Variants in HDAC9 observed in about 807,000 individuals in gnomAD.
HDAC9 encodes the protein MEF-2 interacting transcription repressor (MITR) protein.
In HDAC9, 41 loss-of-function variants were observed where a neutral mutation model predicts 139.4. The observed-to-expected ratio is 0.29, with a 90% confidence interval of 0.23 to 0.38. The LOEUF (loss-of-function observed/expected upper bound fraction) is 0.38, where lower values mean the gene tolerates loss of function less well. Among genes scored for constraint, HDAC9 ranks in the 10% least tolerant of loss-of-function variants. The pLI, the probability that HDAC9 is intolerant of heterozygous loss-of-function variation, is 1.00. For synonymous variants in HDAC9, 517 were observed against 476.2 expected (o/e 1.09, Z -1.12); for missense variants, 1,147 against 1,297.0 (o/e 0.88, Z 1.78).
chr7:18,173,854 T>A (rs1482543831), intron 2 of HDAC9, among the ~76,000 whole-genome samples: 1 of 152,224 alleles, frequency 6.6e-6, no homozygotes, highest in African/African-American at 2.4e-5. Context: ...TGATCTGACC[T>A]TTCTTTCTGG....
chr7:18,823,992 A>G (rs1443154249), intron 17 of HDAC9, among the ~76,000 whole-genome samples: 1 of 147,102 alleles, frequency 6.8e-6, no homozygotes, highest in African/African-American at 2.5e-5. Context: ...GAAGAAGAAG[A>G]AGAAGGAGAA....
intron 1 of HDAC9, among the ~76,000 whole-genome samples, chr7:18,136,641 C>A (rs1473665570): frequency 1.3e-5 from 2 of 152,132 alleles, no homozygotes; most frequent in Non-Finnish European, 2.9e-5. Flanking sequence ...TCTGAGGGCT[C>A]TGTTGTGTTC....
intron 1 of HDAC9, among the ~76,000 whole-genome samples, chr7:18,380,370 C>A (rs1785323209): frequency 6.6e-6 from 1 of 152,088 alleles, no homozygotes; most frequent in Non-Finnish European, 1.5e-5. Flanking sequence ...GTTTATGTAC[C>A]AAACACCAAA....
At chr7:18,636,512 A>G (rs1056160343) in intron 8 of HDAC9, among the ~76,000 whole-genome samples, 1 of 152,072 alleles carries the variant, frequency 6.6e-6, no homozygotes, top group Non-Finnish European at 1.5e-5. Flanking sequence ...CCTTCCTTCT[A>G]GATTTCAAAA....
intron 12 of HDAC9, among the ~76,000 whole-genome samples, chr7:18,673,870 A>G (rs1056793222): frequency 1.3e-5 from 2 of 152,058 alleles, no homozygotes; most frequent in African/African-American, 4.8e-5. Flanking sequence ...GGGTTTAAAG[A>G]TCCTTCTCCT....
chr7:18,796,278 C>T (rs908906634), intron 17 of HDAC9, among the ~76,000 whole-genome samples: 1 of 152,106 alleles, frequency 6.6e-6, no homozygotes, highest in African/African-American at 2.4e-5. Context: ...AAAGAAAATG[C>T]CAGAAAAAAT....
intron 1 of HDAC9, among the ~76,000 whole-genome samples, chr7:18,448,064 C>T (rs2128099609): frequency 6.6e-6 from 1 of 152,262 alleles, no homozygotes; most frequent in South Asian, 2.1e-4. Flanking sequence ...TGGTCTCCAA[C>T]TCCAACTCCA....
intron 8 of HDAC9, among the ~76,000 whole-genome samples, chr7:18,640,087 G>A (rs929460034): frequency 6.6e-6 from 1 of 151,844 alleles, no homozygotes. Flanking sequence ...CCACATTTCT[G>A]TGAGCTTTTT....
At chr7:18,178,530 G>T (rs962537114) in intron 2 of HDAC9, among the ~76,000 whole-genome samples, 2 of 152,128 alleles carry the variant, frequency 1.3e-5, no homozygotes, top group South Asian at 2.1e-4. Flanking sequence ...CTAGCACAGC[G>T]GTAGAAGCAG....
intron 1 of HDAC9, among the ~76,000 whole-genome samples, chr7:18,146,979 GATTT>G (rs1416831331): frequency 6.6e-6 from 1 of 152,156 alleles, no homozygotes; most frequent in African/African-American, 2.4e-5. Context: ...ACAAAAAGTG[GATTT>G]ATTTTTTTCC....
intron 2 of HDAC9, among the ~76,000 whole-genome samples, chr7:18,268,415 T>C (rs1027644186): frequency 6.6e-6 from 1 of 152,088 alleles, no homozygotes; most frequent in African/African-American, 2.4e-5. Flanking sequence ...AATTTTACTT[T>C]ATGGGCATAA....
chr7:18,300,989 TA>T (rs1331174766), intron 1 of HDAC9, among the ~76,000 whole-genome samples: 1 of 152,088 alleles, frequency 6.6e-6, no homozygotes, highest in African/African-American at 2.4e-5. Flanking sequence ...AATAAAGAAT[TA>T]TTAAGTTGAG....
chr7:18,837,381 A>T (rs1172139485), intron 21 of HDAC9, among the ~76,000 whole-genome samples: 1 of 152,048 alleles, frequency 6.6e-6, no homozygotes, highest in Non-Finnish European at 1.5e-5. Context: ...TTTCAACATC[A>T]CAAATACCAT....
intron 16 of HDAC9, among the ~76,000 whole-genome samples, chr7:18,774,272 A>G (rs540065952): frequency 2.4e-4 from 37 of 152,198 alleles, no homozygotes; most frequent in African/African-American, 7.2e-4. Flanking sequence ...TGATAAGACT[A>G]TTAAAGGACT....
At chr7:18,908,932 T>C (rs1246807126) in intron 22 of HDAC9, among the ~76,000 whole-genome samples, 1 of 152,116 alleles carries the variant, frequency 6.6e-6, no homozygotes. Flanking sequence ...AGTTGTGAGA[T>C]GGCTGGAGCA....
chr7:18,361,536 TG>T (rs1783778626), intron 1 of HDAC9, among the ~76,000 whole-genome samples: 1 of 152,192 alleles, frequency 6.6e-6, no homozygotes, highest in Non-Finnish European at 1.5e-5. Context: ...ATTCTTATTC[TG>T]TATATTTGGT....
At chr7:18,499,478 A>G (rs1376131769) in intron 2 of HDAC9, among the ~76,000 whole-genome samples, 1 of 152,126 alleles carries the variant, frequency 6.6e-6, no homozygotes, top group Non-Finnish European at 1.5e-5. Flanking sequence ...TGTGAGTGAC[A>G]CATTTTGTCA....
chr7:18,700,075 T>C (rs1342084903), intron 12 of HDAC9, among the ~76,000 whole-genome samples: 1 of 152,110 alleles, frequency 6.6e-6, no homozygotes. Flanking sequence ...ATGATGGTTA[T>C]AGAGTAACAG....
intron 12 of HDAC9, among the ~76,000 whole-genome samples, chr7:18,679,890 A>G (rs750080288): frequency 2.0e-5 from 3 of 151,852 alleles, no homozygotes; most frequent in Non-Finnish European, 2.9e-5. Context: ...ATGATTCTAC[A>G]TTTTCTATGT....
Sources: allele counts gnomAD v4.1 joint callset (sites outside exome capture counted in the v4.1 genomes callset), GRCh38; gene constraint gnomAD v4.1.1; transcripts MANE v1.5; gene names NCBI Gene and HGNC (gene_info 2026-07-23, HGNC 2026-07-21).